Variants in DCDC1 observed in about 807,000 individuals in gnomAD.
DCDC1 encodes doublecortin domain containing 1, also known as doublecortin domain-containing protein 1.
A neutral mutation model predicts 178.3 loss-of-function variants in DCDC1; 200 were observed. The ratio of observed to expected loss-of-function variants is 1.12; its 90% CI spans 1.00 to 1.26. The LOEUF (loss-of-function observed/expected upper bound fraction) is 1.26, where lower values mean the gene tolerates loss of function less well. DCDC1 is among the 50% of genes most tolerant of loss of function. The pLI is 0.00. For missense variants in DCDC1, 1,983 were observed against 1,749.2 expected, an observed-to-expected ratio of 1.13 and a Z score of -2.38; for synonymous variants, 690 against 604.8, an observed-to-expected ratio of 1.14 and a Z score of -2.07.
At chr11:31,259,648 AG>A (rs1944650150) in intron 8 of DCDC1, among the ~76,000 whole-genome samples, 1 of 152,194 alleles carries the variant, frequency 6.6e-6, no homozygotes, top group Non-Finnish European at 1.5e-5. Flanking sequence ...CACTTTGTGC[AG>A]CCTCTTTGAG....
chr11:30,894,317 CA>C lies in DCDC1; in HGVS notation c.4832del (p.Val1611GlyfsTer20), dbSNP rs754443568. ...TCTGTTCGGTCCAGCCTCCTTCAAC[CA>C]CCACGGGCTGCACAGGGCTCTTGGT... ...VPTKSPVQPV[V>X]VEGGWTEQTQ... On this transcript the variant is annotated frameshift_variant, in exon 35 of 39. Coordinates refer to ENST00000684477, the MANE Select transcript of DCDC1 (RefSeq NM_001387274.1). LOFTEE classifies it high-confidence loss of function. The C allele has an allele frequency of 2.2e-5, 35 of 1,613,754 alleles. No individual in the cohort carries two copies. The highest frequency in any genetic ancestry group is 3.0e-5 in the Non-Finnish European group (35 of 1,179,832).
chr11:31,041,860 A>G (rs1387827313), intron 20 of DCDC1, among the ~76,000 whole-genome samples: 4 of 152,208 alleles, frequency 2.6e-5, no homozygotes, highest in Admixed American at 2.0e-4. Flanking sequence ...AAGATAAAAG[A>G]AGTAAAAACA....
chr11:30,990,565 A>C (rs1001398060), intron 20 of DCDC1, among the ~76,000 whole-genome samples: 3 of 152,190 alleles, frequency 2.0e-5, no homozygotes, highest in Non-Finnish European at 4.4e-5. Context: ...AGACATAGGA[A>C]AGGTGATCTA....
At chr11:31,209,328 T>C (rs1448404690) in intron 9 of DCDC1, among the ~76,000 whole-genome samples, 1 of 152,146 alleles carries the variant, frequency 6.6e-6, no homozygotes, top group Admixed American at 6.5e-5. Flanking sequence ...ATGGTAGTGA[T>C]TTCTAAAAAG....
At chr11:31,012,607 CAA>C (rs780824791) in intron 20 of DCDC1, among the ~76,000 whole-genome samples, 13 of 74,560 alleles carry the variant, frequency 1.7e-4, no homozygotes, top group East Asian at 3.4e-4. Context: ...CCTGTCTCAA[CAA>C]AAAAAAAAAA....
At chr11:31,334,626 T>C (rs915822409) in intron 2 of DCDC1, among the ~76,000 whole-genome samples, 4 of 152,236 alleles carry the variant, frequency 2.6e-5, no homozygotes, top group Non-Finnish European at 5.9e-5. Context: ...GTTTTCCTTC[T>C]AACAGTCAAG....
intron 20 of DCDC1, among the ~76,000 whole-genome samples, chr11:30,975,237 C>T (rs1950039717): frequency 6.6e-6 from 1 of 151,926 alleles, no homozygotes; most frequent in Non-Finnish European, 1.5e-5. Context: ...ATAATAAAGG[C>T]AACATATGAC....
chr11:31,270,305 A>T (rs1037728787), intron 7 of DCDC1, among the ~76,000 whole-genome samples: 2 of 152,232 alleles, frequency 1.3e-5, no homozygotes, highest in Non-Finnish European at 2.9e-5. Context: ...GTTTCTTGTA[A>T]AACAGCCACA....
chr11:31,083,659 G>A (rs566994208), intron 17 of DCDC1, among the ~76,000 whole-genome samples: 1 of 152,272 alleles, frequency 6.6e-6, no homozygotes, highest in East Asian at 1.9e-4. Context: ...TTCAAGAAAA[G>A]CCAGAAGTAT....
chr11:30,903,910 T>C, intron 31 of DCDC1: 2 of 346,312 alleles, frequency 5.8e-6, no homozygotes, highest in Non-Finnish European at 1.0e-5. Context: ...ATTTCCTATC[T>C]CCACAAATTT....
intron 20 of DCDC1, among the ~76,000 whole-genome samples, chr11:30,967,502 A>C (rs977061181): frequency 2.6e-5 from 4 of 152,180 alleles, no homozygotes; most frequent in African/African-American, 9.7e-5. Flanking sequence ...AAGCATTCTT[A>C]TACACCAACA....
intron 9 of DCDC1, among the ~76,000 whole-genome samples, chr11:31,200,697 A>G (rs1419367599): frequency 6.6e-6 from 1 of 152,026 alleles, no homozygotes; most frequent in African/African-American, 2.4e-5. Context: ...AGGCTGCCTT[A>G]GTAATTATAT....
chr11:31,352,583 A>G (rs930324827), intron 1 of DCDC1, among the ~76,000 whole-genome samples: 1 of 152,164 alleles, frequency 6.6e-6, no homozygotes, highest in Non-Finnish European at 1.5e-5. Context: ...TTAATTTCCT[A>G]TCTACAATGT....
intron 20 of DCDC1, among the ~76,000 whole-genome samples, chr11:31,034,794 T>C (rs1953917553): frequency 6.6e-6 from 1 of 152,238 alleles, no homozygotes; most frequent in South Asian, 2.1e-4. Context: ...GAAAGTTATC[T>C]TGTCATGAAA....
rs1393749010 is a variant in DCDC1 at position 30,863,651 on chromosome 11, A to G, written c.*1722T>C. 14 of 152,252 alleles carry G rather than the reference A, an allele frequency of 9.2e-5. No individual in the cohort carries two copies. Among genetic ancestry groups the G allele is most frequent in the Non-Finnish European group, 7.3e-5 (5 of 68,042 alleles). The allele number at this position is 152,252 out of a possible 1,614,324, so 9.4% of individuals were successfully genotyped here. On this transcript the variant is annotated 3_prime_UTR_variant, in exon 39 of 39. Transcript: ENST00000684477. ...TTGTTTTTGAATAAAACAAAATAAG[A>G]TATTACTACAGAGAAAGTTAGAATC...
At chr11:31,094,007 AG>A in intron 16 of DCDC1, 42 bp downstream of exon 16, 1 of 755,500 alleles carries the variant, frequency 1.3e-6, no homozygotes, top group Non-Finnish European at 2.4e-6. Flanking sequence ...TGAGCCAGCA[AG>A]CAAGGGGAGG....
At chr11:31,096,764 A>G (rs1958180964) in intron 15 of DCDC1, among the ~76,000 whole-genome samples, 1 of 151,738 alleles carries the variant, frequency 6.6e-6, no homozygotes, top group Non-Finnish European at 1.5e-5. Context: ...TGGCCATTAC[A>G]TTTTTCTTCT....
At chr11:31,215,888 C>T (rs1176206038) in intron 9 of DCDC1, among the ~76,000 whole-genome samples, 2 of 151,828 alleles carry the variant, frequency 1.3e-5, no homozygotes, top group Non-Finnish European at 2.9e-5. Flanking sequence ...GTTTCATAAA[C>T]ATAAAAGAAA....
intron 1 of DCDC1, among the ~76,000 whole-genome samples, chr11:31,350,444 A>G (rs1428723546): frequency 2.0e-5 from 3 of 152,146 alleles, no homozygotes; most frequent in Non-Finnish European, 4.4e-5. Flanking sequence ...TATTTTAAAG[A>G]TAACTAAGTT....
Sources: gnomAD v4.1 joint callset for allele counts (sites outside exome capture counted in the v4.1 genomes callset) on GRCh38, gnomAD v4.1.1 for gene constraint, MANE v1.5 for transcripts, NCBI Gene and HGNC (gene_info 2026-07-23, HGNC 2026-07-21) for gene names.